POU2AF1: variants seen among roughly 807,000 people sequenced by gnomAD.
POU2AF1 encodes the protein POU domain class 2-associating factor 1.
POU2AF1 carries 12 observed loss-of-function variants against 26.3 expected under a neutral mutation model. That is an observed-to-expected ratio of 0.46 (90% CI 0.29 to 0.74). The LOEUF is 0.74. Ranked by LOEUF, POU2AF1 falls within the 30% of genes least tolerant of loss-of-function variation. The pLI, the probability that POU2AF1 is intolerant of heterozygous loss-of-function variation, is 0.09. For missense variants in POU2AF1, 297 were observed against 334.5 expected (o/e 0.89, Z 0.87); for synonymous variants, 175 against 148.0 (o/e 1.18, Z -1.32).
rs1860767412 is a variant in POU2AF1, at chr11:111,353,079, C to T, written c.*1182G>A. On this transcript the variant is annotated 3_prime_UTR_variant, in exon 5 of 5. Transcript: ENST00000393067. ...GAAAGAAACAAAACCCACATGGTAG[C>T]ACTAAGCCTAGGCGAGGACCCATCA... The T allele has an allele frequency of 4.5e-6, 1 of 223,242 alleles. No individual in the cohort carries two copies. Among genetic ancestry groups the T allele is most frequent in the Admixed American group, 5.8e-5 (1 of 17,336 alleles). 13.8% of individuals were successfully genotyped at this position (223,242 alleles called of 1,614,324 possible).
intron 2 of POU2AF1, among the ~76,000 whole-genome samples, chr11:111,358,396 A>T (rs1485559092): frequency 8.0e-5 from 7 of 87,416 alleles, no homozygotes; most frequent in African/African-American, 2.0e-4. Context: ...ACACTCCCTC[A>T]CACACATACT....
intron 1 of POU2AF1, among the ~76,000 whole-genome samples, chr11:111,361,379 C>G (rs1024474103): frequency 6.6e-6 from 1 of 152,196 alleles, no homozygotes; most frequent in East Asian, 1.9e-4. Context: ...ACCACACATA[C>G]CTGTATTCAA....
chr11:111,366,644 TC>T (rs1156234161), intron 1 of POU2AF1, among the ~76,000 whole-genome samples: 2 of 151,980 alleles, frequency 1.3e-5, no homozygotes, highest in Non-Finnish European at 2.9e-5. Context: ...CATAGGCAGG[TC>T]CCCTGGGAAA....
intron 1 of POU2AF1, among the ~76,000 whole-genome samples, chr11:111,376,466 A>G (rs904371067): frequency 2.0e-5 from 3 of 152,226 alleles, no homozygotes; most frequent in African/African-American, 7.2e-5. Flanking sequence ...TGGCCCATCA[A>G]GCAAATCTCA....
chr11:111,366,794 G>A (rs1861113700), intron 1 of POU2AF1, among the ~76,000 whole-genome samples: 1 of 152,108 alleles, frequency 6.6e-6, no homozygotes, highest in Non-Finnish European at 1.5e-5. Context: ...GGGTTTTTCA[G>A]TCTTAGAGCC....
At chr11:111,357,889 C>T (rs1472282888) in intron 2 of POU2AF1, 52 bp from the exon 3 acceptor site, 1 of 1,528,292 alleles carries the variant, frequency 6.5e-7, no homozygotes, top group South Asian at 1.3e-5. Context: ...CGTCAACCGG[C>T]CCTGTGCAGA....
chr11:111,357,628 G>A lies in POU2AF1; in HGVS notation c.273C>T (p.Pro91=), dbSNP rs1860874612. The A allele has an allele frequency of 1.2e-6, 2 of 1,613,918 alleles. No individual in the cohort carries two copies. Among genetic ancestry groups the A allele is most frequent in the African/African-American group, 1.3e-5 (1 of 75,044 alleles). The part of the protein sequence containing the change: ...AALCAGWLSQ[P]TPATLQPLAP... Reference sequence around the variant, plus strand: ...CCAGGGGCTGCAGGGTGGCCGGGGTGGGCTGGGAGAGCCAGCCGGCACACA... The same window carrying A: ...CCAGGGGCTGCAGGGTGGCCGGGGTAGGCTGGGAGAGCCAGCCGGCACACA... The change falls in exon 4 of 5, where the codon CCC becomes CCT. Residue 91 remains proline (P), a synonymous_variant. Coordinates refer to ENST00000393067, the MANE Select transcript of POU2AF1 (RefSeq NM_006235.3).
At chr11:111,358,400 A>ACTCACACT (rs1565360718) in intron 2 of POU2AF1, among the ~76,000 whole-genome samples, 4 of 89,320 alleles carry the variant, frequency 4.5e-5, no homozygotes, top group African/African-American at 1.4e-4. Context: ...TCCCTCACAC[A>ACTCACACT]CATACTCTCT....
intron 4 of POU2AF1, among the ~76,000 whole-genome samples, chr11:111,355,277 G>C (rs190809587): frequency 4.7e-4 from 71 of 152,224 alleles, no homozygotes; most frequent in African/African-American, 1.7e-3. Flanking sequence ...CCCACTTATG[G>C]GCACCCCCCA....
intron 1 of POU2AF1, among the ~76,000 whole-genome samples, chr11:111,362,155 G>A (rs988928716): frequency 1.3e-5 from 2 of 152,094 alleles, no homozygotes; most frequent in South Asian, 2.1e-4. Context: ...CCATGGCCAC[G>A]TCAGCATTTT....
At chr11:111,359,045 C>G in intron 1 of POU2AF1, 127 bp from the exon 2 acceptor site, 2 of 1,426,888 alleles carry the variant, frequency 1.4e-6, no homozygotes, top group Non-Finnish European at 1.8e-6. Context: ...CCACGTGACA[C>G]TTCCTAGAAT....
intron 4 of POU2AF1, among the ~76,000 whole-genome samples, chr11:111,356,093 CAAAT>C (rs962836414): frequency 2.6e-5 from 4 of 152,272 alleles, no homozygotes; most frequent in Admixed American, 6.5e-5. Context: ...AATGGCAAAA[CAAAT>C]AAATCAATTC....
intron 1 of POU2AF1, among the ~76,000 whole-genome samples, chr11:111,366,395 G>A (rs571834388): frequency 6.6e-6 from 1 of 152,238 alleles, no homozygotes; most frequent in Admixed American, 6.5e-5. Flanking sequence ...AGAGAAAGGG[G>A]AACCATGATT....
intron 1 of POU2AF1, among the ~76,000 whole-genome samples, chr11:111,369,999 G>C (rs566758918): frequency 6.6e-6 from 1 of 152,298 alleles, no homozygotes; most frequent in South Asian, 2.1e-4. Context: ...AACTTTTCCT[G>C]AGACCATCAT....
chr11:111,371,573 C>A (rs1416590296), intron 1 of POU2AF1, among the ~76,000 whole-genome samples: 1 of 152,092 alleles, frequency 6.6e-6, no homozygotes, highest in Non-Finnish European at 1.5e-5. Context: ...ACTAACCCAC[C>A]ACAAGTTACA....
chr11:111,374,320 G>A lies in POU2AF1; in HGVS notation c.16+4842C>T, dbSNP rs572866430. ...ACCAATTAAATCTGTGTATTTGGTT[G>A]ATGTTTGTCCTTTATTTCACCTCCA... On this transcript the variant is annotated intron_variant, in intron 1 of 4. Transcript: ENST00000393067. 1.3e-5 allele frequency among the ~76,000 whole-genome samples: 2 copies of A among 152,248 alleles called. 1 individual carries two copies. Among genetic ancestry groups the A allele is most frequent in the South Asian group, 4.2e-4 (2 of 4,810 alleles).
chr11:111,358,656 A>G (rs919270341), intron 2 of POU2AF1, 132 bp downstream of exon 2: 28 of 1,132,126 alleles, frequency 2.5e-5, no homozygotes. Flanking sequence ...ACTCTCACAC[A>G]CTCTATCACA....
Position 111,353,222 on chromosome 11 carries a change from C to A in POU2AF1, c.*1039G>T. The A allele has an allele frequency of 4.3e-6, 1 of 233,058 alleles. No homozygotes were observed. Among genetic ancestry groups the A allele is most frequent in the Non-Finnish European group, 8.5e-6 (1 of 117,882 alleles). The allele number at this position is 233,058 out of a possible 1,614,324, so 14.4% of individuals were successfully genotyped here. A position where few individuals can be genotyped will look rare whatever the true frequency, so the allele number is the denominator to read the frequency against. On this transcript the variant is annotated 3_prime_UTR_variant, in exon 5 of 5. Coordinates refer to ENST00000393067, the MANE Select transcript of POU2AF1 (RefSeq NM_006235.3). ...GTTTACAACAGCCCAACTTCCCTTGCACGTATCCTCAAGGAGAGCAGCAAA... is the reference window on the plus strand; with the variant it reads ...GTTTACAACAGCCCAACTTCCCTTGAACGTATCCTCAAGGAGAGCAGCAAA...
intron 1 of POU2AF1, among the ~76,000 whole-genome samples, chr11:111,370,360 C>T (rs186066129): frequency 1.1e-4 from 16 of 152,214 alleles, no homozygotes; most frequent in African/African-American, 2.2e-4. Flanking sequence ...CCACAAAGAC[C>T]GAACACATAG....
Sources: allele counts gnomAD v4.1 joint callset (sites outside exome capture counted in the v4.1 genomes callset), GRCh38; gene constraint gnomAD v4.1.1; transcripts MANE v1.5; gene names NCBI Gene and HGNC (gene_info 2026-07-23, HGNC 2026-07-21).